The following RASAL2 variants were observed in gnomAD, a reference collection of about 807,000 sequenced individuals.
The protein encoded by RASAL2 is RAS protein activator like 2.
Under a neutral mutation model 128.9 loss-of-function variants are expected in RASAL2, and 58 were observed. The observed-to-expected ratio is 0.45, with a 90% CI of 0.36 to 0.56. RASAL2 has a LOEUF of 0.56. RASAL2 is among the 20% of genes least tolerant of loss of function. The pLI, the probability that RASAL2 is intolerant of heterozygous loss-of-function variation, is 0.00. For synonymous variants in RASAL2, 561 were observed against 580.8 expected (o/e 0.97, Z 0.49); for missense variants, 1,360 against 1,601.6 (o/e 0.85, Z 2.57).
chr1:178,261,861 A>G (rs1665711702), intron 1 of RASAL2, among the ~76,000 whole-genome samples: 1 of 151,294 alleles, frequency 6.6e-6, no homozygotes, highest in Non-Finnish European at 1.5e-5. Context: ...GGTTGCAGTG[A>G]GTTGAGATTG....
intron 1 of RASAL2, among the ~76,000 whole-genome samples, chr1:178,214,326 G>A (rs577053593): frequency 6.6e-6 from 1 of 152,194 alleles, no homozygotes; most frequent in East Asian, 1.9e-4. Context: ...ATTTCAGGAA[G>A]GTAAGAAGAT....
intron 3 of RASAL2, among the ~76,000 whole-genome samples, chr1:178,355,412 C>T (rs1490743177): frequency 6.6e-6 from 1 of 152,118 alleles, no homozygotes; most frequent in Non-Finnish European, 1.5e-5. Context: ...GATCCTGGCT[C>T]ATCTGGAGAT....
intron 1 of RASAL2, among the ~76,000 whole-genome samples, chr1:178,119,434 G>A (rs1166568499): frequency 6.6e-6 from 1 of 152,160 alleles, no homozygotes; most frequent in Non-Finnish European, 1.5e-5. Flanking sequence ...GCAAAACGTT[G>A]TTAAGTTCAG....
At position 178,467,356 on chromosome 1, in the gene RASAL2, C is replaced by T; in HGVS notation, c.3613C>T (p.Leu1205=). The T allele has an allele frequency of 6.2e-7, 1 of 1,614,044 alleles. No homozygotes were observed. The highest frequency in any genetic ancestry group is 8.5e-7 in the Non-Finnish European group (1 of 1,179,956). Residue 1205 remains leucine, a synonymous_variant, in exon 17 of 18, where the codon CTG becomes TTG. Coordinates refer to ENST00000367649, the MANE Select transcript of RASAL2 (RefSeq NM_170692.4). The part of the protein sequence containing the change: ...ISRLMAVEEE[L]KKDHAEMQAV... ...TAGGCTAATGGCTGTGGAAGAGGAA[C>T]TGAAGAAGGATCATGCTGAGATGCA...
At chr1:178,097,870 A>T (rs1044737588) in intron 1 of RASAL2, among the ~76,000 whole-genome samples, 2 of 152,196 alleles carry the variant, frequency 1.3e-5, no homozygotes, top group Non-Finnish European at 2.9e-5. Context: ...GTACATATGT[A>T]TATATTGTCA....
chr1:178,382,617 A>G (rs115770089), intron 3 of RASAL2, among the ~76,000 whole-genome samples: 5,272 of 151,196 alleles, frequency 0.035, 123 homozygotes, highest in Non-Finnish European at 0.051. Flanking sequence ...AGAGTAATAC[A>G]TGGGTGATAG....
rs565746304 is a variant in RASAL2, at chr1:178,223,685, TG to T, written c.203-59877del. Among the ~76,000 whole-genome samples, 5 of 152,268 alleles carry T rather than the reference TG, an allele frequency of 3.3e-5. No individual in the cohort carries two copies. The South Asian group carries it at 1.0e-3, about 32-fold the overall frequency. ...CTACAGTAGGAAAAATGTTTTTTGG[TG>T]GTCATAGTAGATGTAGGTTGATAAA... On this transcript the variant is annotated intron_variant, in intron 1 of 17. Coordinates refer to ENST00000367649, the MANE Select transcript of RASAL2 (RefSeq NM_170692.4).
In RASAL2 at chr1:178,443,163, T is replaced by C; in HGVS notation, c.1416T>C (p.Ser472=). Residue 472 remains serine (S), a synonymous_variant, in exon 8 of 18, where the codon AGT becomes AGC. Transcript: ENST00000367649. ...GTTCTGTCCTTGAGCCAGTAATTAG[T>C]GTGAGAAATAAAGAGGAGTTGGCTT... ...MLCSVLEPVI[S]VRNKEELACA... is the part of the protein sequence containing the mutation. The C allele has an allele frequency of 6.2e-7, 1 of 1,613,744 alleles. No individual in the cohort carries two copies. The highest frequency in any genetic ancestry group is 8.5e-7 in the Non-Finnish European group (1 of 1,179,766).
chr1:178,359,065 G>T (rs1670972376), intron 3 of RASAL2, among the ~76,000 whole-genome samples: 1 of 152,146 alleles, frequency 6.6e-6, no homozygotes, highest in African/African-American at 2.4e-5. Flanking sequence ...TATAAAACAT[G>T]CTCTTTATGT....
At chr1:178,292,055 A>G (rs1667304992) in intron 2 of RASAL2, among the ~76,000 whole-genome samples, 2 of 151,568 alleles carry the variant, frequency 1.3e-5, no homozygotes, top group South Asian at 4.1e-4. Flanking sequence ...AAAAAAAAAA[A>G]AAGAATTATA....
At chr1:178,211,542 C>T (rs558270111) in intron 1 of RASAL2, among the ~76,000 whole-genome samples, 3 of 152,242 alleles carry the variant, frequency 2.0e-5, no homozygotes, top group African/African-American at 4.8e-5. Flanking sequence ...CATTGCTTCT[C>T]GCCCCATACT....
chr1:178,210,864 T>C (rs936390283), intron 1 of RASAL2, among the ~76,000 whole-genome samples: 14 of 152,304 alleles, frequency 9.2e-5, no homozygotes, highest in African/African-American at 3.4e-4. Flanking sequence ...CTGTAGAACA[T>C]AATTTAGTTT....
chr1:178,399,595 A>G (rs1557958517), intron 4 of RASAL2, among the ~76,000 whole-genome samples: 1 of 152,172 alleles, frequency 6.6e-6, no homozygotes, highest in Non-Finnish European at 1.5e-5. Context: ...GTTTATACTT[A>G]CCTGTAATTT....
At chr1:178,348,907 C>T (rs1311228470) in intron 3 of RASAL2, among the ~76,000 whole-genome samples, 1 of 151,014 alleles carries the variant, frequency 6.6e-6, no homozygotes, top group Non-Finnish European at 1.5e-5. Flanking sequence ...TCATGCCATT[C>T]TCCTGCCTCA....
At chr1:178,169,239 A>C (rs2101908105) in intron 1 of RASAL2, among the ~76,000 whole-genome samples, 1 of 152,240 alleles carries the variant, frequency 6.6e-6, no homozygotes, top group East Asian at 1.9e-4. Flanking sequence ...AGTCTTATTT[A>C]ATTGTGGTGG....
In RASAL2 at chr1:178,477,142, C is replaced by T. The variant is rs1480740910; in HGVS notation, c.*3903C>T. 6 of 151,978 alleles carry T rather than the reference C, an allele frequency of 3.9e-5. No individual in the cohort carries two copies. Among genetic ancestry groups the T allele is most frequent in the Admixed American group, 3.9e-4 (6 of 15,204 alleles). The allele number at this position is 151,978 out of a possible 1,614,324, so 9.4% of individuals were successfully genotyped here. ...CTACACCTTTGGAGGCCACCTTCTC[C>T]TATCAACTGTGGAAAGCCAGAAGGG... On this transcript the variant is annotated 3_prime_UTR_variant, in exon 18 of 18. Coordinates refer to ENST00000367649, the MANE Select transcript of RASAL2 (RefSeq NM_170692.4).
At position 178,225,119 on chromosome 1, in the gene RASAL2, TTATAA is replaced by T. The variant is rs557255853; in HGVS notation, c.203-58441_203-58437del. Reference sequence around the variant, plus strand: ...CTTTTGTCTGGCTTTGTTGGATTATTTATAATATGAGAGACTTAGTGAAGTTGGTC... The same window carrying T: ...CTTTTGTCTGGCTTTGTTGGATTATTTATGAGAGACTTAGTGAAGTTGGTC... On this transcript the variant is annotated intron_variant, in intron 1 of 17. Transcript: ENST00000367649. Among the ~76,000 whole-genome samples, 101 of 152,148 alleles carry T rather than the reference TTATAA, an allele frequency of 6.6e-4. 1 individual carries two copies. In the South Asian group the frequency reaches 0.02, roughly 30 times the overall value.
At chr1:178,444,930 C>A (rs1315717033) in intron 8 of RASAL2, among the ~76,000 whole-genome samples, 1 of 152,008 alleles carries the variant, frequency 6.6e-6, no homozygotes, top group Non-Finnish European at 1.5e-5. Flanking sequence ...AATATGATTA[C>A]AGTGAGAACT....
At chr1:178,300,227 G>A (rs1224891959) in intron 3 of RASAL2, 109 bp downstream of exon 3, 3 of 1,240,442 alleles carry the variant, frequency 2.4e-6, no homozygotes, top group Non-Finnish European at 2.2e-6. Flanking sequence ...TAAGTGCTTT[G>A]AAATCAATGG....
Sources: allele counts gnomAD v4.1 joint callset (sites outside exome capture counted in the v4.1 genomes callset), GRCh38; gene constraint gnomAD v4.1.1; transcripts MANE v1.5; gene names NCBI Gene and HGNC (gene_info 2026-07-23, HGNC 2026-07-21).